NOTCH1: variants seen among roughly 807,000 people sequenced by gnomAD.
NOTCH1 encodes neurogenic locus notch homolog protein 1.
In NOTCH1, 37 loss-of-function variants were observed where a neutral mutation model predicts 254.8. That is an observed-to-expected ratio of 0.15 (90% CI 0.11 to 0.19). The LOEUF is 0.19. Ranked by LOEUF, NOTCH1 falls within the 10% of genes least tolerant of loss-of-function variation. The pLI is 1.00. For missense variants in NOTCH1, 2,972 were observed against 3,708.6 expected (o/e 0.80, Z 5.16); for synonymous variants, 1,731 against 1,618.1 (o/e 1.07, Z -1.68).
chr9:136,529,872 C>T (rs1843530495), intron 2 of NOTCH1, among the ~76,000 whole-genome samples: 1 of 152,262 alleles, frequency 6.6e-6, no homozygotes, highest in Non-Finnish European at 1.5e-5. Context: ...GAGCACAAAA[C>T]CACGAGATTG....
intron 33 of NOTCH1, 143 bp downstream of exon 33, chr9:136,498,756 C>A (rs552456636): frequency 2.2e-6 from 2 of 906,910 alleles, no homozygotes; most frequent in East Asian, 2.4e-5. Flanking sequence ...CCGCATCATG[C>A]GGGTGGGGCC....
chr9:136,541,373 G>C (rs1843729967), intron 2 of NOTCH1, among the ~76,000 whole-genome samples: 1 of 152,202 alleles, frequency 6.6e-6, no homozygotes, highest in African/African-American at 2.4e-5. Context: ...AGTGAGCCAG[G>C]CACTGTGACG....
At position 136,505,570 on chromosome 9, in the gene NOTCH1, C is replaced by A. The variant is rs376469653; in HGVS notation, c.4326G>T (p.Pro1442=). The A allele has an allele frequency of 1.2e-6, 2 of 1,610,446 alleles. No homozygotes were observed. Among genetic ancestry groups the A allele is most frequent in the Non-Finnish European group, 1.7e-6 (2 of 1,178,902 alleles). The part of the protein sequence containing the change: ...FGGGAGRDIP[P]PLIEEACELP... The stretch of plus-strand genomic sequence containing the variant: ...GCTCGCACGCCTCCTCGATCAGCGG[C>A]GGGGGGATGTCGCGCCCGGCCCCAC... Residue 1442 remains proline, a synonymous_variant, in exon 25 of 34, where the codon CCG becomes CCT. Coordinates refer to ENST00000651671, the MANE Select transcript of NOTCH1 (RefSeq NM_017617.5).
At position 136,515,532 on chromosome 9, in the gene NOTCH1, G is replaced by A. The variant is rs773640511; in HGVS notation, c.1854C>T (p.Cys618=). The A allele has an allele frequency of 3.1e-6, 5 of 1,611,712 alleles. No homozygotes were observed. The African/African-American group carries it at 6.7e-5, about 22-fold the overall frequency. ...SSQPCRHGGT[C]QDRDNAYLCF... is the part of the protein sequence containing the mutation. ...AGAGGTAGGCGTTGTCGCGGTCCTG[G>A]CAGGTGCCCCCGTGGCGGCAGGGCT... is the stretch of plus-strand genomic sequence containing the variant. Residue 618 remains cysteine (C), a synonymous_variant, in exon 11 of 34, where the codon TGC becomes TGT. Coordinates refer to ENST00000651671, the MANE Select transcript of NOTCH1 (RefSeq NM_017617.5).
chr9:136,499,835 C>A (rs183825689), intron 31 of NOTCH1, among the ~76,000 whole-genome samples: 1 of 152,374 alleles, frequency 6.6e-6, no homozygotes, highest in Non-Finnish European at 1.5e-5. Context: ...GAGGCACACA[C>A]CAAACCCGCA....
intron 18 of NOTCH1, 36 bp downstream of exon 18, chr9:136,509,697 C>A (rs755836065): frequency 6.3e-7 from 1 of 1,592,502 alleles, no homozygotes; most frequent in South Asian, 1.1e-5. Context: ...CCGCACCGCC[C>A]GTTCCCTTCC....
chr9:136,502,915 A>T (rs2133332580), intron 27 of NOTCH1: 1 of 665,934 alleles, frequency 1.5e-6, no homozygotes, highest in South Asian at 1.6e-5. Context: ...CCAACAAAGA[A>T]AATTCAGGAG....
At position 136,507,939 on chromosome 9, in the gene NOTCH1, T is replaced by C. The variant is rs755744975; in HGVS notation, c.3510+16A>G. The C allele has an allele frequency of 5.0e-6, 8 of 1,611,526 alleles. No individual in the cohort carries two copies. The South Asian group carries it at 8.8e-5, about 18-fold the overall frequency. On this transcript the variant is annotated intron_variant, in intron 21 of 33. Coordinates refer to ENST00000651671, the MANE Select transcript of NOTCH1 (RefSeq NM_017617.5). ...CTCGTGCCGGCCACAACCCTTACCCTAGGAGGGACCCCCACCTTGCAGGAG... is the reference window on the plus strand; with the variant it reads ...CTCGTGCCGGCCACAACCCTTACCCCAGGAGGGACCCCCACCTTGCAGGAG...
intron 19 of NOTCH1, 48 bp downstream of exon 19, chr9:136,508,822 C>A: frequency 9.3e-6 from 14 of 1,508,378 alleles, no homozygotes; most frequent in Non-Finnish European, 1.2e-5. Flanking sequence ...CAGGTAGGCA[C>A]CCACCCAGGG....
intron 17 of NOTCH1, 167 bp downstream of exon 17, chr9:136,510,486 C>A: frequency 1.1e-6 from 1 of 906,496 alleles, no homozygotes; most frequent in Non-Finnish European, 1.7e-6. Flanking sequence ...CCCTCCTGAA[C>A]CACCCTGGCC....
Position 136,502,562 on chromosome 9 carries a change from G to T in NOTCH1, c.5168-74C>A, listed in dbSNP as rs948174604. On this transcript the variant is annotated intron_variant, in intron 27 of 33. Coordinates refer to ENST00000651671, the MANE Select transcript of NOTCH1 (RefSeq NM_017617.5). Reference sequence around the variant, plus strand: ...TACGCAGCAGGCTGGTGGCCGGGGGGCGGCGGACTGGCTCCGCGTCCGGGC... The same window carrying T: ...TACGCAGCAGGCTGGTGGCCGGGGGTCGGCGGACTGGCTCCGCGTCCGGGC... The T allele has an allele frequency of 1.0e-5, 10 of 972,322 alleles. No homozygotes were observed. The African/African-American group carries it at 1.2e-4, about 11-fold the overall frequency. The allele number at this position is 972,322 out of a possible 1,614,324, so 60.2% of individuals were successfully genotyped here.
At position 136,505,850 on chromosome 9, in the gene NOTCH1, G is replaced by A. The variant is rs752951296; in HGVS notation, c.4046C>T (p.Ala1349Val). The A allele has an allele frequency of 1.1e-5, 17 of 1,595,358 alleles. No individual in the cohort carries two copies. In the East Asian group the frequency reaches 3.4e-4, roughly 31 times the overall value. ...GFEGATCENDARTCGSLRCLN... is the reference protein window; with the variant it reads ...GFEGATCENDVRTCGSLRCLN... ...GCAGCGCAGGCTGCCGCAGGTACGA[G>A]CGTCATTCTCACACGTGGCGCCCTC... is the stretch of plus-strand genomic sequence containing the variant. The change falls in exon 25 of 34, where the codon GCT (alanine) becomes GTT (valine). Residue 1349 changes from alanine (A) to valine (V), a missense_variant. By Grantham distance (64) the Ala-to-Val change is moderately conservative (BLOSUM62 0). Transcript: ENST00000651671.
At position 136,515,583 on chromosome 9, in the gene NOTCH1, C is replaced by T. The variant is rs1283802504; in HGVS notation, c.1803G>A (p.Glu601=). ...CRPGYTGHHC[E]TNINECSSQP... ...GGCTGGAGCACTCGTTGATGTTGGTCTCGCAGTGGTGGCCCGTGTAGCCTG... is the reference window on the plus strand; with the variant it reads ...GGCTGGAGCACTCGTTGATGTTGGTTTCGCAGTGGTGGCCCGTGTAGCCTG... The change falls in exon 11 of 34, where the codon GAG becomes GAA. Residue 601 remains glutamate (E), a synonymous_variant. Transcript: ENST00000651671. 6.2e-7 allele frequency: 1 copy of T among 1,610,692 alleles called. No homozygotes were observed. Among genetic ancestry groups the T allele is most frequent in the Admixed American group, 1.7e-5 (1 of 59,974 alleles).
At chr9:136,512,214 C>A (rs1472186880) in intron 15 of NOTCH1, among the ~76,000 whole-genome samples, 1 of 152,226 alleles carries the variant, frequency 6.6e-6, no homozygotes, top group Non-Finnish European at 1.5e-5. Context: ...CTGACTGACA[C>A]AGGAGAGAAA....
In NOTCH1 at chr9:136,502,335, T is replaced by C. The variant is rs763760510; in HGVS notation, c.5321A>G (p.Lys1774Arg). The change falls in exon 28 of 34, where the codon AAA becomes AGA. Residue 1774 changes from lysine (K) to arginine (R), a missense_variant. By Grantham distance (26) the Lys-to-Arg change is conservative. Coordinates refer to ENST00000651671, the MANE Select transcript of NOTCH1 (RefSeq NM_017617.5). ...CTTCTTCTTGCTGGCCTCAGACACT[T>C]TGAAGCCCTCAGGGAACCAGAGCTG... Reference protein sequence around the residue: ...HGQLWFPEGFKVSEASKKKRR... With the variant: ...HGQLWFPEGFRVSEASKKKRR... 11 of 1,612,370 alleles carry C rather than the reference T, an allele frequency of 6.8e-6. No homozygotes were observed. Among genetic ancestry groups the C allele is most frequent in the Middle Eastern group, 1.6e-4 (1 of 6,082 alleles).
At chr9:136,527,978 T>C (rs543866496) in intron 2 of NOTCH1, among the ~76,000 whole-genome samples, 1 of 152,066 alleles carries the variant, frequency 6.6e-6, no homozygotes, top group Non-Finnish European at 1.5e-5. Flanking sequence ...GAAATGCGAC[T>C]CCAGAAAGCA....
intron 31 of NOTCH1, among the ~76,000 whole-genome samples, chr9:136,500,300 CCTCA>C (rs1842975569): frequency 6.6e-6 from 1 of 152,214 alleles, no homozygotes; most frequent in African/African-American, 2.4e-5. Flanking sequence ...GGAGGTGCTG[CCTCA>C]CTCAGCAGAT....
At chr9:136,535,143 C>G (rs1005296651) in intron 2 of NOTCH1, among the ~76,000 whole-genome samples, 1 of 150,942 alleles carries the variant, frequency 6.6e-6, no homozygotes, top group Non-Finnish European at 1.5e-5. Flanking sequence ...CACCCCCGCC[C>G]CACAGAGCCC....
rs775275739 is a variant in NOTCH1 at position 136,519,486 on chromosome 9, G to A, written c.822C>T (p.Asp274=). ...NNCKNGGACV[D]GVNTYNCRCP... ...AGCGGCAGTTGTAGGTGTTCACGCCGTCCACACAGGCACCCCCGTTCTTGC... is the reference window on the plus strand; with the variant it reads ...AGCGGCAGTTGTAGGTGTTCACGCCATCCACACAGGCACCCCCGTTCTTGC... The change falls in exon 5 of 34, where the codon GAC becomes GAT. Residue 274 remains aspartate (D), a synonymous_variant. Coordinates refer to ENST00000651671, the MANE Select transcript of NOTCH1 (RefSeq NM_017617.5). 6.8e-6 allele frequency: 11 copies of A among 1,612,874 alleles called. No individual in the cohort carries two copies. The highest frequency in any genetic ancestry group is 2.2e-5 in the East Asian group (1 of 44,894).
Sources: gnomAD v4.1 joint callset for allele counts (sites outside exome capture counted in the v4.1 genomes callset) on GRCh38, gnomAD v4.1.1 for gene constraint, MANE v1.5 for transcripts, NCBI Gene and HGNC (gene_info 2026-07-23, HGNC 2026-07-21) for gene names.